GLRA2: variants seen among roughly 807,000 people sequenced by gnomAD.
GLRA2 encodes glycine receptor alpha 2.
GLRA2 carries 11 observed loss-of-function variants against 31.6 expected under a neutral mutation model. That is an observed-to-expected ratio of 0.35 (90% CI 0.22 to 0.58). The LOEUF is 0.58. GLRA2 is among the 20% of genes least tolerant of loss of function. The pLI is 0.84. For synonymous variants in GLRA2, 132 were observed against 134.0 expected (o/e 0.99, Z 0.10); for missense variants, 212 against 351.8 (o/e 0.60, Z 3.18).
chrX:14,686,378 T>C (rs1187826983), intron 7 of GLRA2, among the ~76,000 whole-genome samples: 1 of 111,548 alleles, frequency 9.0e-6, no homozygotes, highest in Admixed American at 9.5e-5. Context: ...TTGTTAACTT[T>C]CTGTCTCGTT....
chrX:14,498,947 T>C, the GLRA2 span, among the ~76,000 whole-genome samples: 1 of 112,393 alleles, frequency 8.9e-6, no homozygotes, highest in Non-Finnish European at 1.9e-5. Context: ...CAGGATTTCA[T>C]GCTTTTATGG....
the GLRA2 span, among the ~76,000 whole-genome samples, chrX:14,502,552 A>G: frequency 9.0e-6 from 1 of 111,621 alleles, no homozygotes; most frequent in Non-Finnish European, 1.9e-5. Context: ...TGAACACTGA[A>G]TTATTTAATA....
At chrX:14,520,469 G>T in the GLRA2 span, among the ~76,000 whole-genome samples, 1 of 112,534 alleles carries the variant, frequency 8.9e-6, no homozygotes, top group Non-Finnish European at 1.9e-5. Context: ...TTAGCCAACA[G>T]GGAAGCAATC....
chrX:14,472,358 C>CT, the GLRA2 span, among the ~76,000 whole-genome samples: 11 of 110,951 alleles, frequency 9.9e-5, no homozygotes, highest in East Asian at 5.7e-4. Flanking sequence ...TATGGCATCT[C>CT]TTTTTTTTTC....
intron 4 of GLRA2, among the ~76,000 whole-genome samples, chrX:14,596,953 C>T (rs548335608): frequency 1.8e-5 from 2 of 111,393 alleles, no homozygotes; most frequent in South Asian, 3.9e-4. Flanking sequence ...ACCAGCCTAG[C>T]GGTGTTTTTT....
At chrX:14,503,337 A>T in the GLRA2 span, among the ~76,000 whole-genome samples, 1 of 111,036 alleles carries the variant, frequency 9.0e-6, no homozygotes, top group African/African-American at 3.3e-5. Context: ...TCTGGAGAGG[A>T]AGAGGATTCC....
chrX:14,613,349 CAATGAGATTA>C (rs1484170042), intron 7 of GLRA2, among the ~76,000 whole-genome samples: 1 of 111,690 alleles, frequency 9.0e-6, no homozygotes, highest in East Asian at 2.8e-4. Context: ...GTTGTACTGT[CAATGAGATTA>C]ACCAAAGTTT....
At chrX:14,456,070 A>G in the GLRA2 span, among the ~76,000 whole-genome samples, 1 of 111,628 alleles carries the variant, frequency 9.0e-6, no homozygotes, top group African/African-American at 3.2e-5. Context: ...TTCCTAGACG[A>G]TATGATAACC....
the GLRA2 span, among the ~76,000 whole-genome samples, chrX:14,456,371 T>C: frequency 1.3e-4 from 14 of 111,588 alleles, no homozygotes; most frequent in Non-Finnish European, 2.1e-4. Context: ...GAACATCCAA[T>C]GTCGTCCTTC....
intron 7 of GLRA2, among the ~76,000 whole-genome samples, chrX:14,617,528 A>C (rs1053302993): frequency 3.6e-5 from 4 of 111,954 alleles, no homozygotes; most frequent in South Asian, 3.7e-4. Flanking sequence ...TCAATGGGAC[A>C]ATGGCAAATG....
At position 14,632,676 on chromosome X, in the gene GLRA2, T is replaced by C. The variant is rs6630735; in HGVS notation, c.930+23471T>C. On this transcript the variant is annotated intron_variant, in intron 7 of 8. Coordinates refer to ENST00000218075, the MANE Select transcript of GLRA2 (RefSeq NM_002063.4). The stretch of plus-strand genomic sequence containing the variant: ...TCTTTTTAAATAATACACTGTAGAC[T>C]GCTTTGGGGGGTAGGGGACCTTATT... 1.3e-4 allele frequency among the ~76,000 whole-genome samples: 14 copies of C among 111,487 alleles called. No individual in the cohort carries two copies. The East Asian group carries it at 2.5e-3, about 20-fold the overall frequency.
At chrX:14,636,765 A>G (rs2090714237) in intron 7 of GLRA2, among the ~76,000 whole-genome samples, 1 of 112,208 alleles carries the variant, frequency 8.9e-6, no homozygotes, top group South Asian at 3.7e-4. Context: ...GCGGTTTATG[A>G]AAACTGTATT....
At chrX:14,486,143 T>C in the GLRA2 span, among the ~76,000 whole-genome samples, 1 of 111,151 alleles carries the variant, frequency 9.0e-6, no homozygotes, top group South Asian at 3.8e-4. Context: ...CGTTAAAATA[T>C]GAAAGGAAAT....
At chrX:14,567,302 CAAATT>C (rs1388251611) in intron 2 of GLRA2, among the ~76,000 whole-genome samples, 2 of 111,853 alleles carry the variant, frequency 1.8e-5, no homozygotes, top group African/African-American at 3.3e-5. Context: ...TATAAGGAAA[CAAATT>C]AAAGTAATAT....
chrX:14,659,145 G>A (rs886839101), intron 7 of GLRA2, among the ~76,000 whole-genome samples: 2 of 112,193 alleles, frequency 1.8e-5, no homozygotes, highest in Non-Finnish European at 3.8e-5. Context: ...AGTTTTATTG[G>A]AACATAGTCA....
chrX:14,574,108 A>G (rs1391008320), intron 2 of GLRA2, among the ~76,000 whole-genome samples: 1 of 112,132 alleles, frequency 8.9e-6, no homozygotes, highest in East Asian at 2.8e-4. Context: ...TTCAGCTTAT[A>G]TTTTCCAAAT....
At chrX:14,684,187 G>T (rs1384636808) in intron 7 of GLRA2, among the ~76,000 whole-genome samples, 1 of 111,147 alleles carries the variant, frequency 9.0e-6, no homozygotes, top group Admixed American at 9.6e-5. Context: ...CTCTGTTTTG[G>T]TACCAGTACC....
chrX:14,492,629 T>C, the GLRA2 span, among the ~76,000 whole-genome samples: 1 of 111,523 alleles, frequency 9.0e-6, no homozygotes, highest in South Asian at 3.7e-4. Flanking sequence ...GCAGAGCTAC[T>C]GGAGATCTCA....
Position 14,697,480 on chromosome X carries a change from A to G in GLRA2, c.1080+6621A>G, listed in dbSNP as rs191924175. Among the ~76,000 whole-genome samples, 58 of 106,234 alleles carry G rather than the reference A, an allele frequency of 5.5e-4. 1 individual carries two copies. The highest frequency in any genetic ancestry group is 2.5e-4 in the Non-Finnish European group (13 of 53,013). The allele number at this position is 106,234 out of a possible 115,157, so 92.3% of individuals were successfully genotyped here. On this transcript the variant is annotated intron_variant, in intron 8 of 8. Coordinates refer to ENST00000218075, the MANE Select transcript of GLRA2 (RefSeq NM_002063.4). The stretch of plus-strand genomic sequence containing the variant: ...ATGGTGAAATCGAAAAAATAATAAT[A>G]ATCACTACTATCCAGGCATCTTTTC...
Sources: gnomAD v4.1 joint callset for allele counts (sites outside exome capture counted in the v4.1 genomes callset) on GRCh38, gnomAD v4.1.1 for gene constraint, MANE v1.5 for transcripts, NCBI Gene and HGNC (gene_info 2026-07-23, HGNC 2026-07-21) for gene names.